INO80D: variants seen among roughly 807,000 people sequenced by gnomAD.
INO80D encodes INO80 complex subunit D.
Under a neutral mutation model 87.6 loss-of-function variants are expected in INO80D, and 21 were observed. The ratio of observed to expected loss-of-function variants is 0.24; its 90% CI spans 0.17 to 0.35. INO80D has a LOEUF of 0.35. INO80D is among the 10% of genes least tolerant of loss of function. The probability of loss-of-function intolerance (pLI) is 1.00; values close to 1 mark genes in which losing one functional copy is unlikely to be tolerated. For synonymous variants in INO80D, 440 were observed against 491.0 expected, an observed-to-expected ratio of 0.90 and a Z score of 1.37; for missense variants, 982 against 1,280.7, an observed-to-expected ratio of 0.77 and a Z score of 3.56.
intron 8 of INO80D, among the ~76,000 whole-genome samples, chr2:206,015,387 G>A (rs186194872): frequency 5.1e-4 from 78 of 152,246 alleles, no homozygotes; most frequent in African/African-American, 1.8e-3. Flanking sequence ...CAGGGCTCCC[G>A]TGCTCTGTGC....
At chr2:206,077,510 A>G (rs578199594) in intron 1 of INO80D, among the ~76,000 whole-genome samples, 22 of 152,322 alleles carry the variant, frequency 1.4e-4, no homozygotes, top group Admixed American at 5.2e-4. Flanking sequence ...CCTACATTCT[A>G]TAGAGCACTT....
rs963057038 is a variant in INO80D, at chr2:206,004,269, T to G, written c.*99A>C. The stretch of plus-strand genomic sequence containing the variant: ...GGGGGGTGCCCCTCTGATCCCCATC[T>G]GTTATATCTTCTTTAGGAAAAGGGG... On this transcript the variant is annotated 3_prime_UTR_variant, in exon 11 of 11. Coordinates refer to ENST00000403263, the MANE Select transcript of INO80D (RefSeq NM_017759.5). This position sits in a 1 kb window ranked among gnomAD's most constrained non-coding sequence, Gnocchi z 4.9. 4 of 1,126,984 alleles carry G rather than the reference T, an allele frequency of 3.5e-6. No individual in the cohort carries two copies. Among genetic ancestry groups the G allele is most frequent in the Admixed American group, 2.3e-5 (1 of 43,504 alleles). The allele number at this position is 1,126,984 out of a possible 1,614,324, so 69.8% of individuals were successfully genotyped here.
intron 7 of INO80D, among the ~76,000 whole-genome samples, chr2:206,018,907 C>T (rs934084499): frequency 9.2e-5 from 14 of 152,160 alleles, no homozygotes; most frequent in African/African-American, 3.1e-4. Context: ...TGCCTCTAAA[C>T]AAACAAACAT....
At chr2:206,084,116 T>C (rs977773378) in intron 1 of INO80D, among the ~76,000 whole-genome samples, 54 of 151,036 alleles carry the variant, frequency 3.6e-4, no homozygotes, top group African/African-American at 1.3e-3. Flanking sequence ...CACCAAAATA[T>C]AGCTAAAATT....
chr2:206,035,568 T>G (rs892219359), intron 5 of INO80D, among the ~76,000 whole-genome samples: 2 of 152,142 alleles, frequency 1.3e-5, no homozygotes, highest in Admixed American at 1.3e-4. Context: ...CCTCTCACCT[T>G]ATACAAAAAT....
chr2:206,048,818 T>G (rs1042362889), intron 4 of INO80D, among the ~76,000 whole-genome samples: 2 of 152,172 alleles, frequency 1.3e-5, no homozygotes, highest in Middle Eastern at 6.3e-3. Context: ...CGACTGACCC[T>G]TGAGCCCAGG....
chr2:206,005,203 C>A lies in INO80D; in HGVS notation c.2249G>T (p.Gly750Val). ...TLSNPPTPLA[G>V]QIQGQFSAPA... ...GGCAGAGAACTGCCCCTGGATCTGC[C>A]CTGCCAGGGGTGTAGGTGGGTTTGA... Residue 750 changes from glycine to valine, a missense_variant, in exon 11 of 11, where the codon GGG becomes GTG. Transcript: ENST00000403263. The A allele has an allele frequency of 1.2e-6, 2 of 1,613,952 alleles. No homozygotes were observed. Among genetic ancestry groups the A allele is most frequent in the Non-Finnish European group, 1.7e-6 (2 of 1,179,868 alleles).
chr2:205,995,707 T>C lies in INO80D; in HGVS notation c.*8661A>G, dbSNP rs959371579. The C allele has an allele frequency of 1.3e-5, 2 of 152,178 alleles. No homozygotes were observed. Among genetic ancestry groups the C allele is most frequent in the Non-Finnish European group, 2.9e-5 (2 of 67,988 alleles). The allele number at this position is 152,178 out of a possible 1,614,324, so 9.4% of individuals were successfully genotyped here. A position where few individuals can be genotyped will look rare whatever the true frequency, so the allele number is the denominator to read the frequency against. On this transcript the variant is annotated 3_prime_UTR_variant, in exon 11 of 11. Transcript: ENST00000403263. ...GTATATATACACTTTTGTCTGTGTG[T>C]GCATAAGAGCTTTAAAGGCACAATA...
At chr2:206,042,611 G>A (rs818011) in intron 5 of INO80D, among the ~76,000 whole-genome samples, 49,720 of 150,194 alleles carry the variant, frequency 0.33, 8,740 homozygotes, top group South Asian at 0.58. Flanking sequence ...AACTCGGGGG[G>A]CGGAGGTTGC....
At position 205,994,867 on chromosome 2, in the gene INO80D, G is replaced by C. The variant is rs1437819743; in HGVS notation, c.*9501C>G. 7.7e-6 allele frequency: 1 copy of C among 130,164 alleles called. No homozygotes were observed. Among genetic ancestry groups the C allele is most frequent in the Non-Finnish European group, 1.6e-5 (1 of 61,792 alleles). The allele number at this position is 130,164 out of a possible 1,614,324, so 8.1% of individuals were successfully genotyped here. A position where few individuals can be genotyped will look rare whatever the true frequency, so the allele number is the denominator to read the frequency against. Reference sequence around the variant, plus strand: ...ATCTATTTCAAGCACATGCAACTTGGAACTCGCAAAAAAAAAAAAAAAAGA... The same window carrying C: ...ATCTATTTCAAGCACATGCAACTTGCAACTCGCAAAAAAAAAAAAAAAAGA... On this transcript the variant is annotated 3_prime_UTR_variant, in exon 11 of 11. Transcript: ENST00000403263.
chr2:206,074,838 C>T (rs1690067444), intron 1 of INO80D, among the ~76,000 whole-genome samples: 1 of 152,054 alleles, frequency 6.6e-6, no homozygotes, highest in African/African-American at 2.4e-5. Flanking sequence ...ACTCAGGAGG[C>T]TGAGGCAGGA....
intron 1 of INO80D, among the ~76,000 whole-genome samples, chr2:206,077,635 G>A (rs1482884372): frequency 6.6e-6 from 1 of 152,110 alleles, no homozygotes; most frequent in South Asian, 2.1e-4. Context: ...TGCTTTCTAA[G>A]TTCCGATCCA....
intron 7 of INO80D, among the ~76,000 whole-genome samples, chr2:206,019,044 C>T (rs1252519724): frequency 6.6e-6 from 1 of 152,132 alleles, no homozygotes; most frequent in Non-Finnish European, 1.5e-5. Flanking sequence ...AACTATAAAG[C>T]CTTTATTACA....
intron 1 of INO80D, among the ~76,000 whole-genome samples, chr2:206,068,850 C>CCA (rs1397954347): frequency 6.6e-6 from 1 of 152,048 alleles, no homozygotes; most frequent in Non-Finnish European, 1.5e-5. Context: ...AAGGCACATA[C>CCA]CACTACACAG....
At chr2:206,022,644 C>T (rs767633445) in intron 6 of INO80D, among the ~76,000 whole-genome samples, 13 of 152,116 alleles carry the variant, frequency 8.5e-5, no homozygotes, top group Non-Finnish European at 1.8e-4. Flanking sequence ...TGGCTTATTC[C>T]ACTTACTCAT....
At chr2:206,083,387 G>A (rs1471134887) in intron 1 of INO80D, among the ~76,000 whole-genome samples, 2 of 152,012 alleles carry the variant, frequency 1.3e-5, no homozygotes, top group Admixed American at 6.6e-5. Flanking sequence ...TCCAGTATAT[G>A]CTCTAAAAAT....
rs757937363 is a variant in INO80D at position 205,997,816 on chromosome 2, G to C, written c.*6552C>G. ...TGTATTTATACAACAGAGACAATGA[G>C]AAAGTAACTCCAATACCCTCAACTA... On this transcript the variant is annotated 3_prime_UTR_variant, in exon 11 of 11. Transcript: ENST00000403263. 1 of 152,142 alleles carries C rather than the reference G, an allele frequency of 6.6e-6. No individual in the cohort carries two copies. Among genetic ancestry groups the C allele is most frequent in the African/African-American group, 2.4e-5 (1 of 41,468 alleles). 9.4% of individuals were successfully genotyped at this position (152,142 alleles called of 1,614,324 possible).
intron 1 of INO80D, among the ~76,000 whole-genome samples, chr2:206,075,052 A>AAAAAAAT (rs2105905943): frequency 6.6e-6 from 1 of 152,200 alleles, no homozygotes; most frequent in East Asian, 1.9e-4. Flanking sequence ...AAAAAAAAAA[A>AAAAAAAT]AAATTCCTCT....
chr2:206,034,443 G>C (rs1027278574), intron 5 of INO80D, among the ~76,000 whole-genome samples: 6 of 152,090 alleles, frequency 3.9e-5, no homozygotes, highest in African/African-American at 1.2e-4. Context: ...TTTAACATAA[G>C]CAAGTCAAGA....
Sources: allele counts gnomAD v4.1 joint callset (sites outside exome capture counted in the v4.1 genomes callset), GRCh38; gene constraint gnomAD v4.1.1; non-coding constraint Gnocchi (gnomAD v3.1); transcripts MANE v1.5; gene names NCBI Gene and HGNC (gene_info 2026-07-23, HGNC 2026-07-21).